Variants in SYNE1 observed in about 807,000 individuals in gnomAD.
The protein encoded by SYNE1 is spectrin repeat containing nuclear envelope protein 1, also known as nesprin-1.
A neutral mutation model predicts 1,111.0 loss-of-function variants in SYNE1; 616 were observed. The ratio of observed to expected loss-of-function variants is 0.55; its 90% CI spans 0.52 to 0.59. The LOEUF (loss-of-function observed/expected upper bound fraction) is 0.59, where lower values mean the gene tolerates loss of function less well. Ranked by LOEUF, SYNE1 falls within the 20% of genes least tolerant of loss-of-function variation. The pLI, the probability that SYNE1 is intolerant of heterozygous loss-of-function variation, is 0.00. For missense variants in SYNE1, 10,006 were observed against 10,417.0 expected (o/e 0.96, Z 1.72); for synonymous variants, 3,855 against 3,825.8 (o/e 1.01, Z -0.28).
At chr6:152,278,663 G>C (rs191217867) in intron 97 of SYNE1, among the ~76,000 whole-genome samples, 1 of 152,044 alleles carries the variant, frequency 6.6e-6, no homozygotes, top group Non-Finnish European at 1.5e-5. Context: ...GGGTTTCACC[G>C]TGTTAGCTAG....
chr6:152,459,022 G>C, intron 21 of SYNE1, 92 bp from the exon 22 acceptor site: 1 of 1,089,778 alleles, frequency 9.2e-7, no homozygotes, highest in Non-Finnish European at 1.4e-6. Flanking sequence ...ATTTTCTTTA[G>C]TGACATGATC....
chr6:152,421,414 G>A (rs917082347), intron 39 of SYNE1, among the ~76,000 whole-genome samples: 3 of 151,992 alleles, frequency 2.0e-5, no homozygotes, highest in African/African-American at 7.2e-5. Context: ...GGATAATTAG[G>A]CCAAGTATAA....
intron 3 of SYNE1, among the ~76,000 whole-genome samples, chr6:152,593,547 A>G (rs1057346551): frequency 1.1e-4 from 16 of 151,852 alleles, no homozygotes; most frequent in Non-Finnish European, 1.8e-4. Flanking sequence ...GTGCCACTGC[A>G]CTCCAGCCTG....
intron 36 of SYNE1, among the ~76,000 whole-genome samples, chr6:152,429,083 A>ATAG (rs1197540337): frequency 8.6e-6 from 1 of 116,338 alleles, no homozygotes; most frequent in African/African-American, 3.4e-5. Flanking sequence ...GTCTATCTCA[A>ATAG]TAGTAATAAT....
chr6:152,512,209 A>G (rs1240839496), intron 6 of SYNE1, among the ~76,000 whole-genome samples: 1 of 152,198 alleles, frequency 6.6e-6, no homozygotes, highest in Non-Finnish European at 1.5e-5. Flanking sequence ...AATCATTGTA[A>G]ATGATTTGAG....
intron 14 of SYNE1, among the ~76,000 whole-genome samples, chr6:152,474,063 T>TTCCA (rs2098821959): frequency 6.6e-6 from 1 of 151,916 alleles, no homozygotes; most frequent in African/African-American, 2.4e-5. Context: ...CGTGCACCTG[T>TTCCA]AGTCCCAGCT....
Position 152,225,838 on chromosome 6 carries a change from T to C in SYNE1, c.21234A>G (p.Val7078=), listed in dbSNP as rs2081455207. 15 of 1,613,972 alleles carry C rather than the reference T, an allele frequency of 9.3e-6. No individual in the cohort carries two copies. Among genetic ancestry groups the C allele is most frequent in the African/African-American group, 1.3e-5 (1 of 75,058 alleles). Residue 7078 remains valine (V), a synonymous_variant, in exon 116 of 146, where the codon GTA becomes GTG. Transcript: ENST00000367255. ...CAAGTCCATTCTGCTCAATTTTCTCTACTTCTTTTTCTTTTGCTTTAATCA... is the reference window on the plus strand; with the variant it reads ...CAAGTCCATTCTGCTCAATTTTCTCCACTTCTTTTTCTTTTGCTTTAATCA... The part of the protein sequence containing the change: ...EDLIKAKEKE[V]EKIEQNGLAL...
At chr6:152,604,982 A>G (rs920015105) in intron 3 of SYNE1, among the ~76,000 whole-genome samples, 3 of 26,054 alleles carry the variant, frequency 1.2e-4, no homozygotes, top group African/African-American at 3.7e-4. Context: ...GAAAGAAAGA[A>G]AGAAAGAAAG....
At chr6:152,459,832 T>C (rs909166726) in intron 21 of SYNE1, among the ~76,000 whole-genome samples, 5 of 152,228 alleles carry the variant, frequency 3.3e-5, no homozygotes, top group African/African-American at 1.2e-4. Flanking sequence ...TTCCAAAAAG[T>C]AATCCTTGAA....
At chr6:152,441,476 T>C (rs985693767) in intron 31 of SYNE1, among the ~76,000 whole-genome samples, 4 of 152,174 alleles carry the variant, frequency 2.6e-5, no homozygotes, top group Non-Finnish European at 5.9e-5. Flanking sequence ...AGAGGACACA[T>C]GGACTCAGAT....
intron 77 of SYNE1, among the ~76,000 whole-genome samples, chr6:152,333,525 C>T (rs900735071): frequency 2.6e-5 from 4 of 152,040 alleles, no homozygotes; most frequent in Admixed American, 2.0e-4. Context: ...AAATCAATAT[C>T]GAGCTAGGAA....
chr6:152,275,571 T>C (rs2093557667), intron 98 of SYNE1, among the ~76,000 whole-genome samples: 1 of 152,134 alleles, frequency 6.6e-6, no homozygotes, highest in African/African-American at 2.4e-5. Context: ...ATTATTGTAA[T>C]ATTGTATTTT....
At position 152,239,654 on chromosome 6, in the gene SYNE1, C is replaced by T; in HGVS notation, c.19946G>A (p.Arg6649Lys). The stretch of plus-strand genomic sequence containing the variant: ...TTGGACTGCAAAGCTGATTATCTTT[C>T]TGAAGAGTGTTTCAGTCAAGATCAT... ...SHMILTETLF[R>K]KIISFAVQKE... Residue 6649 changes from arginine (R) to lysine (K), a missense_variant, in exon 108 of 146, where the codon AGA (arginine) becomes AAA (lysine). Arg to Lys is a conservative substitution (Grantham distance 26, BLOSUM62 2). Around this residue, in one of 7 missense-constraint regions of SYNE1, gnomAD observed 2,182 missense variants for 2,287.8 expected, o/e 0.95. Transcript: ENST00000367255. 6.2e-7 allele frequency: 1 copy of T among 1,614,194 alleles called. No individual in the cohort carries two copies. Among genetic ancestry groups the T allele is most frequent in the Non-Finnish European group, 8.5e-7 (1 of 1,180,042 alleles).
chr6:152,298,839 C>T (rs1251434777), intron 93 of SYNE1, among the ~76,000 whole-genome samples: 1 of 152,120 alleles, frequency 6.6e-6, no homozygotes, highest in Non-Finnish European at 1.5e-5. Context: ...TGATGAACAC[C>T]AAGCATAATA....
intron 14 of SYNE1, 40 bp from the exon 15 acceptor site, chr6:152,472,453 T>G: frequency 6.4e-7 from 1 of 1,568,862 alleles, no homozygotes; most frequent in Non-Finnish European, 8.8e-7. Context: ...ATGAAAAACA[T>G]GTTTCACAGA....
At chr6:152,180,038 CA>C (rs1348112162) in intron 129 of SYNE1, 97 bp downstream of exon 129, 1 of 1,303,008 alleles carries the variant, frequency 7.7e-7, no homozygotes, top group African/African-American at 1.5e-5. Flanking sequence ...GCTCCTTTGA[CA>C]GGAAAGTAAT....
At chr6:152,143,484 T>G in intron 138 of SYNE1, 139 bp downstream of exon 138, 1 of 1,277,880 alleles carries the variant, frequency 7.8e-7, no homozygotes. Flanking sequence ...GGGCTTGGCT[T>G]TGCACATCCA....
chr6:152,326,301 C>T lies in SYNE1; in HGVS notation c.15288G>A (p.Leu5096=), dbSNP rs1285737921. 5.0e-6 allele frequency: 8 copies of T among 1,614,144 alleles called. No homozygotes were observed. Among genetic ancestry groups the T allele is most frequent in the Middle Eastern group, 1.6e-4 (1 of 6,062 alleles). The part of the protein sequence containing the change: ...SRDSGAQVDL[L]QRCTAQWHDY... ...CACAAAACATCCTGAAATACCTCTG[C>T]AAGAGATCCACTTGGGCACCAGAGT... The change falls in exon 79 of 146, where the codon TTG becomes TTA. Residue 5096 remains leucine, a synonymous_variant. Coordinates refer to ENST00000367255, the MANE Select transcript of SYNE1 (RefSeq NM_182961.4).
rs200294294 is a variant in SYNE1, at chr6:152,344,192, G to A, written c.12114C>T (p.His4038=). The change falls in exon 74 of 146, where the codon CAC becomes CAT. Residue 4038 remains histidine (H), a synonymous_variant. Coordinates refer to ENST00000367255, the MANE Select transcript of SYNE1 (RefSeq NM_182961.4). The part of the protein sequence containing the change: ...YQSLEHELQK[H]VSRQDTLQQC... ...GCTGCAGGGTGTCTTGTCGGCTGACGTGCTTCTGAAGTTCGTGTTCCAAAC... is the reference window on the plus strand; with the variant it reads ...GCTGCAGGGTGTCTTGTCGGCTGACATGCTTCTGAAGTTCGTGTTCCAAAC... 1.2e-5 allele frequency: 20 copies of A among 1,614,184 alleles called. No individual in the cohort carries two copies. The highest frequency in any genetic ancestry group is 2.7e-5 in the African/African-American group (2 of 75,038).
Sources: allele counts gnomAD v4.1 joint callset (sites outside exome capture counted in the v4.1 genomes callset), GRCh38; gene constraint gnomAD v4.1.1; regional missense constraint gnomAD v4.1.1; transcripts MANE v1.5; gene names NCBI Gene and HGNC (gene_info 2026-07-23, HGNC 2026-07-21).